Variants in SLC5A7 observed in about 807,000 individuals in gnomAD.
SLC5A7 encodes high affinity choline transporter 1.
SLC5A7 carries 19 observed loss-of-function variants against 55.4 expected under a neutral mutation model. The observed-to-expected ratio is 0.34, with a 90% CI of 0.24 to 0.50. The LOEUF (loss-of-function observed/expected upper bound fraction) is 0.50. Ranked by LOEUF, SLC5A7 falls within the 20% of genes least tolerant of loss-of-function variation. The pLI, the probability that SLC5A7 is intolerant of heterozygous loss-of-function variation, is 0.98. For synonymous variants in SLC5A7, 265 were observed against 263.7 expected (o/e 1.00, Z -0.05); for missense variants, 506 against 705.3 (o/e 0.72, Z 3.20).
rs534600168 is a variant in SLC5A7 at position 108,004,813 on chromosome 2, G to A, written c.742-1236G>A. 2.6e-5 allele frequency among the ~76,000 whole-genome samples: 4 copies of A among 152,096 alleles called. No homozygotes were observed. In the East Asian group the frequency reaches 7.7e-4, roughly 29 times the overall value. ...CTCCACCTGTGGAAATGCTCTCAAA[G>A]CCTATGGACAATCTGCACTTCATTT... On this transcript the variant is annotated intron_variant, in intron 6 of 8. Coordinates refer to ENST00000264047, the MANE Select transcript of SLC5A7 (RefSeq NM_021815.5).
At chr2:108,002,104 G>T in intron 6 of SLC5A7, 64 bp downstream of exon 6, 1 of 1,559,524 alleles carries the variant, frequency 6.4e-7, no homozygotes, top group South Asian at 1.2e-5. Context: ...TTGTTTTCAC[G>T]ATTTTCATAT....
intron 5 of SLC5A7, 73 bp from the exon 6 acceptor site, chr2:108,001,824 G>T: frequency 5.9e-6 from 9 of 1,522,016 alleles, no homozygotes; most frequent in Non-Finnish European, 8.1e-6. Context: ...CAGTGTGTGA[G>T]GTGTACAAAT....
At position 108,010,536 on chromosome 2, in the gene SLC5A7, A is replaced by G. The variant is rs1323329132; in HGVS notation, c.1418A>G (p.Tyr473Cys). 1 of 1,613,848 alleles carries G rather than the reference A, an allele frequency of 6.2e-7. No homozygotes were observed. Among genetic ancestry groups the G allele is most frequent in the East Asian group, 2.2e-5 (1 of 44,864 alleles). ...TATTACCCTGATGATAATGGTATATATAATCAGAAATTTCCATTTAAAACA... is the reference window on the plus strand; with the variant it reads ...TATTACCCTGATGATAATGGTATATGTAATCAGAAATTTCCATTTAAAACA... ...PGYYPDDNGI[Y>C]NQKFPFKTLA... Residue 473 changes from tyrosine to cysteine, a missense_variant, in exon 9 of 9, where the codon TAT (tyrosine) becomes TGT (cysteine). Transcript: ENST00000264047.
At position 108,008,550 on chromosome 2, in the gene SLC5A7, C is replaced by T. The variant is rs1011037891; in HGVS notation, c.981C>T (p.Leu327=). Residue 327 remains leucine, a synonymous_variant, in exon 8 of 9, where the codon CTC becomes CTT. Coordinates refer to ENST00000264047, the MANE Select transcript of SLC5A7 (RefSeq NM_021815.5). The stretch of plus-strand genomic sequence containing the variant: ...TTTTACCAATTGTTCTGCAGTATCT[C>T]TGCCCTGTGTATATTTCTTTCTTTG... ...DMILPIVLQY[L]CPVYISFFGL... is the part of the protein sequence containing the mutation. 6.2e-7 allele frequency: 1 copy of T among 1,613,568 alleles called. No individual in the cohort carries two copies. The highest frequency in any genetic ancestry group is 1.7e-5 in the Admixed American group (1 of 59,914).
At chr2:107,990,266 C>T (rs1302307389) in intron 2 of SLC5A7, among the ~76,000 whole-genome samples, 1 of 152,082 alleles carries the variant, frequency 6.6e-6, no homozygotes, top group African/African-American at 2.4e-5. Context: ...TAGCCAAGCC[C>T]TCACTTCTAT....
intron 4 of SLC5A7, among the ~76,000 whole-genome samples, chr2:107,996,137 TAGA>T: frequency 6.6e-6 from 1 of 152,040 alleles, no homozygotes; most frequent in East Asian, 1.9e-4. Flanking sequence ...GTATATAGCT[TAGA>T]AGCGTTATTA....
chr2:107,988,908 G>C (rs770514763), intron 2 of SLC5A7, among the ~76,000 whole-genome samples: 13 of 152,162 alleles, frequency 8.5e-5, no homozygotes, highest in Non-Finnish European at 1.6e-4. Flanking sequence ...CACATGTTAT[G>C]AGTCCACAGC....
intron 5 of SLC5A7, among the ~76,000 whole-genome samples, chr2:107,998,254 T>G (rs1033158241): frequency 6.6e-6 from 1 of 152,210 alleles, no homozygotes; most frequent in African/African-American, 2.4e-5. Context: ...TGATGGAAAC[T>G]TATGCATGAT....
At chr2:107,990,054 C>T (rs1677391909) in intron 2 of SLC5A7, among the ~76,000 whole-genome samples, 1 of 151,994 alleles carries the variant, frequency 6.6e-6, no homozygotes, top group African/African-American at 2.4e-5. Flanking sequence ...ACCATACTAC[C>T]TAACCTTGTC....
At position 108,006,316 on chromosome 2, in the gene SLC5A7, T is replaced by A. The variant is rs1277377992; in HGVS notation, c.895+114T>A. The A allele has an allele frequency of 6.9e-6, 8 of 1,157,772 alleles. No individual in the cohort carries two copies. In the Admixed American group the frequency reaches 1.0e-4, roughly 15 times the overall value. The allele number at this position is 1,157,772 out of a possible 1,614,324, so 71.7% of individuals were successfully genotyped here. A position where few individuals can be genotyped will look rare whatever the true frequency, so the allele number is the denominator to read the frequency against. Reference sequence around the variant, plus strand: ...ACATAGTGAATTCTTTCTCACCACATTCATATCTATAGATTTGTTATAGCA... The same window carrying A: ...ACATAGTGAATTCTTTCTCACCACAATCATATCTATAGATTTGTTATAGCA... On this transcript the variant is annotated intron_variant, in intron 7 of 8. Transcript: ENST00000264047.
chr2:108,001,228 TA>T (rs1472841716), intron 5 of SLC5A7, among the ~76,000 whole-genome samples: 4 of 151,988 alleles, frequency 2.6e-5, no homozygotes, highest in African/African-American at 9.7e-5. Context: ...TGTGTGTGTG[TA>T]GATAGACAGT....
intron 7 of SLC5A7, among the ~76,000 whole-genome samples, chr2:108,007,310 A>C (rs1360720946): frequency 6.6e-6 from 1 of 152,020 alleles, no homozygotes; most frequent in Non-Finnish European, 1.5e-5. Flanking sequence ...CTTTTAGGAG[A>C]GCAGTCCTGG....
intron 8 of SLC5A7, 22 bp downstream of exon 8, chr2:108,008,704 C>T (rs1412018224): frequency 1.3e-6 from 2 of 1,589,196 alleles, no homozygotes; most frequent in African/African-American, 2.7e-5. Flanking sequence ...TTCTTTCAAC[C>T]TGACATTTAC....
intron 5 of SLC5A7, among the ~76,000 whole-genome samples, chr2:107,998,315 T>G (rs55729209): frequency 0.014 from 2,093 of 152,276 alleles, 20 homozygotes; most frequent in Middle Eastern, 0.027. Context: ...GATAACAAAA[T>G]TCAAACCTTA....
chr2:107,999,218 G>A (rs990077638), intron 5 of SLC5A7, among the ~76,000 whole-genome samples: 1 of 152,152 alleles, frequency 6.6e-6, no homozygotes, highest in African/African-American at 2.4e-5. Context: ...AAATTAAGTG[G>A]ACCGTGCTGA....
At position 108,010,471 on chromosome 2, in the gene SLC5A7, G is replaced by A. The variant is rs1191977676; in HGVS notation, c.1353G>A (p.Glu451=). ...TCTTCCTGAGAATAACTGGAGGGGA[G>A]CCATATCTGTATCTTCAGCCCTTGA... is the stretch of plus-strand genomic sequence containing the variant. ...SGLFLRITGG[E]PYLYLQPLIF... is the part of the protein sequence containing the mutation. The change falls in exon 9 of 9, where the codon GAG becomes GAA. Residue 451 remains glutamate, a synonymous_variant. Transcript: ENST00000264047. The A allele has an allele frequency of 2.5e-6, 4 of 1,613,804 alleles. No individual in the cohort carries two copies. Among genetic ancestry groups the A allele is most frequent in the Non-Finnish European group, 3.4e-6 (4 of 1,179,902 alleles).
At chr2:108,003,713 C>G (rs1432443190) in intron 6 of SLC5A7, among the ~76,000 whole-genome samples, 1 of 152,260 alleles carries the variant, frequency 6.6e-6, no homozygotes. Context: ...TCTGATAACC[C>G]CCACTCATCT....
chr2:108,005,973 C>T, intron 6 of SLC5A7, 76 bp from the exon 7 acceptor site: 1 of 1,573,492 alleles, frequency 6.4e-7, no homozygotes, highest in Non-Finnish European at 8.7e-7. Context: ...TAGGCCTATT[C>T]TAAATGTGAT....
In SLC5A7 at chr2:108,010,658, T is replaced by A; in HGVS notation, c.1540T>A (p.Phe514Ile). 6.2e-7 allele frequency: 1 copy of A among 1,613,954 alleles called. No individual in the cohort carries two copies. Among genetic ancestry groups the A allele is most frequent in the South Asian group, 1.1e-5 (1 of 91,076 alleles). The change falls in exon 9 of 9, where the codon TTT becomes ATT. Residue 514 changes from phenylalanine (F) to isoleucine (I), a missense_variant. Physicochemically the swap from Phe to Ile is conservative, Grantham distance 21. Transcript: ENST00000264047. ...AACCTTGCCACCTAAATTAGATGTA[T>A]TTGATGCTGTTGTTGCAAGACACAG... ...SGTLPPKLDV[F>I]DAVVARHSEE...
Sources: gnomAD v4.1 joint callset for allele counts (sites outside exome capture counted in the v4.1 genomes callset) on GRCh38, gnomAD v4.1.1 for gene constraint, MANE v1.5 for transcripts, NCBI Gene and HGNC (gene_info 2026-07-23, HGNC 2026-07-21) for gene names.